Variants in PCDH15 observed in about 807,000 individuals in gnomAD.
PCDH15 encodes protocadherin-15.
A neutral mutation model predicts 178.5 loss-of-function variants in PCDH15; 129 were observed. The ratio of observed to expected loss-of-function variants is 0.72; its 90% confidence interval spans 0.63 to 0.84. The LOEUF is 0.84. PCDH15 is among the 40% of genes least tolerant of loss of function. The pLI is 0.00. For synonymous variants in PCDH15, 800 were observed against 732.0 expected, an observed-to-expected ratio of 1.09 and a Z score of -1.50; for missense variants, 2,230 against 2,099.9, an observed-to-expected ratio of 1.06 and a Z score of -1.21.
chr10:53,892,329 C>T (rs537239344), intron 26 of PCDH15, among the ~76,000 whole-genome samples: 1 of 151,998 alleles, frequency 6.6e-6, no homozygotes, highest in South Asian at 2.1e-4. Context: ...CCGGCCTCAT[C>T]GATTTTGAAA....
intron 27 of PCDH15, among the ~76,000 whole-genome samples, chr10:53,860,291 C>T (rs2079017217): frequency 6.6e-6 from 1 of 152,118 alleles, no homozygotes; most frequent in Non-Finnish European, 1.5e-5. Flanking sequence ...AACACACAGT[C>T]GATTTCTCAG....
chr10:55,236,764 A>G (rs920008707), intron 1 of PCDH15, among the ~76,000 whole-genome samples: 3 of 152,006 alleles, frequency 2.0e-5, no homozygotes, highest in Non-Finnish European at 4.4e-5. Flanking sequence ...ATAAGTGTAC[A>G]TCAACATTAA....
At chr10:54,891,672 G>A (rs1397555139) in intron 3 of PCDH15, among the ~76,000 whole-genome samples, 1 of 152,126 alleles carries the variant, frequency 6.6e-6, no homozygotes, top group African/African-American at 2.4e-5. Context: ...AAAAAGAGGG[G>A]CACTCTGAAT....
chr10:53,903,661 C>T (rs1228616710), intron 25 of PCDH15, among the ~76,000 whole-genome samples: 1 of 152,100 alleles, frequency 6.6e-6, no homozygotes, highest in African/African-American at 2.4e-5. Context: ...AATGAAACAA[C>T]TCTACTGTTC....
chr10:54,417,675 A>C (rs530602937), intron 3 of PCDH15, among the ~76,000 whole-genome samples: 1 of 152,300 alleles, frequency 6.6e-6, no homozygotes, highest in African/African-American at 2.4e-5. Flanking sequence ...CTTTTGAAAT[A>C]ATATTATCAC....
chr10:55,558,833 A>C (rs1403868790), intron 2 of PCDH15, among the ~76,000 whole-genome samples: 3 of 152,058 alleles, frequency 2.0e-5, no homozygotes, highest in Non-Finnish European at 4.4e-5. Flanking sequence ...GTAGTCTTTT[A>C]GTATTGCCTA....
At chr10:54,182,698 A>G (rs188094792) in intron 13 of PCDH15, among the ~76,000 whole-genome samples, 64 of 152,260 alleles carry the variant, frequency 4.2e-4, no homozygotes, top group Middle Eastern at 6.8e-3. Flanking sequence ...TAGGTAACCA[A>G]TATCTAGTGG....
rs557323504 is a variant in PCDH15, at chr10:55,124,296, C to G, written c.-80+42280G>C. Among the ~76,000 whole-genome samples, 14 of 152,126 alleles carry G rather than the reference C, an allele frequency of 9.2e-5. No individual in the cohort carries two copies. The South Asian group carries it at 2.9e-3, about 32-fold the overall frequency. On this transcript the variant is annotated intron_variant, in intron 2 of 5. Transcript: ENST00000458638. ...TCCTGGTCATAGATTACTAGATATT[C>G]TAGAGCTCTCTGAGGTAGGGTTGAT...
At chr10:54,776,022 A>G (rs529670259) in intron 1 of PCDH15, among the ~76,000 whole-genome samples, 1 of 152,152 alleles carries the variant, frequency 6.6e-6, no homozygotes, top group African/African-American at 2.4e-5. Flanking sequence ...TATGAGTAAG[A>G]CCATGCAGTG....
Position 54,214,125 on chromosome 10 carries a change from A to C in PCDH15, c.986-77T>G, listed in dbSNP as rs1036265392. On this transcript the variant is annotated intron_variant, in intron 9 of 37. Transcript: ENST00000644397. ...GTATCTGCTTTTTCTATTTCCCTTCATCAGCTGAGGAACAAAGCTACAATT... is the reference window on the plus strand; with the variant it reads ...GTATCTGCTTTTTCTATTTCCCTTCCTCAGCTGAGGAACAAAGCTACAATT... 1.7e-5 allele frequency: 14 copies of C among 837,044 alleles called. No homozygotes were observed. The African/African-American group carries it at 2.3e-4, about 14-fold the overall frequency. 51.9% of individuals were successfully genotyped at this position (837,044 alleles called of 1,614,324 possible).
intron 2 of PCDH15, among the ~76,000 whole-genome samples, chr10:54,636,208 C>T (rs1249667349): frequency 6.6e-6 from 1 of 151,898 alleles, no homozygotes; most frequent in Non-Finnish European, 1.5e-5. Flanking sequence ...TGCACCATCA[C>T]CATTAGCAAA....
At chr10:53,940,134 CTTA>C (rs2085925118) in intron 24 of PCDH15, among the ~76,000 whole-genome samples, 1 of 152,142 alleles carries the variant, frequency 6.6e-6, no homozygotes, top group South Asian at 2.1e-4. Flanking sequence ...TATTGATTAA[CTTA>C]TTACATGTAT....
intron 2 of PCDH15, among the ~76,000 whole-genome samples, chr10:55,574,147 G>A (rs1350371245): frequency 6.6e-6 from 1 of 151,950 alleles, no homozygotes; most frequent in East Asian, 1.9e-4. Context: ...GTTAATGTGT[G>A]CACTGTCAAA....
intron 2 of PCDH15, among the ~76,000 whole-genome samples, chr10:55,118,650 T>C (rs1031866907): frequency 1.3e-5 from 2 of 152,218 alleles, no homozygotes; most frequent in African/African-American, 4.8e-5. Flanking sequence ...TTTGAAGTGC[T>C]AACTAGCCAC....
intron 2 of PCDH15, among the ~76,000 whole-genome samples, chr10:55,108,894 A>G (rs1365633128): frequency 6.6e-6 from 1 of 152,154 alleles, no homozygotes; most frequent in African/African-American, 2.4e-5. Flanking sequence ...GAAAGAAAAG[A>G]GAACAGATTT....
intron 2 of PCDH15, among the ~76,000 whole-genome samples, chr10:55,587,863 G>T (rs1040656282): frequency 2.6e-5 from 4 of 152,128 alleles, no homozygotes; most frequent in African/African-American, 7.2e-5. Flanking sequence ...AACAGTGGGT[G>T]CTCAGTACAG....
At chr10:54,070,531 T>C (rs2094220531) in intron 17 of PCDH15, among the ~76,000 whole-genome samples, 1 of 152,154 alleles carries the variant, frequency 6.6e-6, no homozygotes, top group Non-Finnish European at 1.5e-5. Flanking sequence ...TACACATTTA[T>C]TTTTATAAAC....
At chr10:54,548,266 CTT>C (rs1388317104) in intron 2 of PCDH15, among the ~76,000 whole-genome samples, 1 of 147,566 alleles carries the variant, frequency 6.8e-6, no homozygotes, top group Non-Finnish European at 1.5e-5. Context: ...TTTAAGGAAA[CTT>C]TACTGATCAT....
intron 2 of PCDH15, among the ~76,000 whole-genome samples, chr10:55,135,499 C>A (rs1384517912): frequency 6.6e-6 from 1 of 151,340 alleles, no homozygotes; most frequent in African/African-American, 2.4e-5. Context: ...AAGCCATTTT[C>A]AGACCTGTTT....
Sources: gnomAD v4.1 joint callset for allele counts (sites outside exome capture counted in the v4.1 genomes callset) on GRCh38, gnomAD v4.1.1 for gene constraint, MANE v1.5 for transcripts, NCBI Gene and HGNC (gene_info 2026-07-23, HGNC 2026-07-21) for gene names.